SEZ6L2: variants seen among roughly 807,000 people sequenced by gnomAD.
SEZ6L2 encodes the protein seizure related 6 homolog like 2, also known as seizure 6-like protein 2.
Under a neutral mutation model 97.0 loss-of-function variants are expected in SEZ6L2, and 44 were observed. The observed-to-expected ratio is 0.45, with a 90% CI of 0.36 to 0.58. The LOEUF (loss-of-function observed/expected upper bound fraction) is 0.58. Ranked by LOEUF, SEZ6L2 falls within the 20% of genes least tolerant of loss-of-function variation. The pLI is 0.00. For synonymous variants in SEZ6L2, 543 were observed against 546.1 expected (o/e 0.99, Z 0.08); for missense variants, 1,086 against 1,233.3 (o/e 0.88, Z 1.79).
intron 6 of SEZ6L2, among the ~76,000 whole-genome samples, 171 bp downstream of exon 6, chr16:29,888,369 C>A (rs564412907): frequency 6.6e-6 from 1 of 152,232 alleles, no homozygotes; most frequent in South Asian, 2.1e-4. Flanking sequence ...AGGAGAGAGA[C>A]CCTCCGCACA....
chr16:29,872,891 G>C (rs748569497), intron 14 of SEZ6L2, 148 bp from the exon 15 acceptor site: 84 of 688,532 alleles, frequency 1.2e-4, no homozygotes, highest in Non-Finnish European at 1.4e-4. Context: ...GTGGGGAAGA[G>C]AGAGGAGTGA....
rs1412543935 is a variant in SEZ6L2, at chr16:29,873,061, A to C, written c.2488+179T>G. On this transcript the variant is annotated intron_variant, in intron 14 of 17. Transcript: ENST00000617533. The surrounding 1 kb of genome is among the most constrained non-coding windows in gnomAD (Gnocchi z 4.3). ...CCCCCTCTACTACACCCCTGAGCCA[A>C]TCCCATGACCTCACACGACCCAGGG... 6.6e-6 allele frequency among the ~76,000 whole-genome samples: 1 copy of C among 152,166 alleles called. No homozygotes were observed. The highest frequency in any genetic ancestry group is 2.4e-5 in the African/African-American group (1 of 41,432).
rs772417768 is a variant in SEZ6L2 at position 29,898,933 on chromosome 16, G to A, written c.79+8C>T. On this transcript the variant is annotated splice_region_variant and intron_variant, in intron 1 of 17. Transcript: ENST00000617533. ...CTGGGGCCCACCCCCACAGTCTCAT[G>A]TCCTTACCCTGGATCCAGGGACAGC... 3 of 1,607,398 alleles carry A rather than the reference G, an allele frequency of 1.9e-6. No homozygotes were observed. The highest frequency in any genetic ancestry group is 1.1e-5 in the South Asian group (1 of 90,756).
intron 5 of SEZ6L2, among the ~76,000 whole-genome samples, chr16:29,890,889 T>C (rs1018423428): frequency 1.3e-5 from 2 of 151,044 alleles, no homozygotes; most frequent in African/African-American, 4.9e-5. Flanking sequence ...GCTGGGATTA[T>C]AGGCGTGTGC....
chr16:29,897,153 G>T, intron 2 of SEZ6L2, 32 bp from the exon 3 acceptor site: 3 of 1,493,650 alleles, frequency 2.0e-6, no homozygotes. Context: ...CAGAGCACAG[G>T]AGGAGCACAT....
intron 7 of SEZ6L2, chr16:29,885,969 G>A (rs2068131212): frequency 4.6e-6 from 2 of 433,308 alleles, no homozygotes; most frequent in Admixed American, 4.1e-5. Flanking sequence ...AGGATATTAG[G>A]GCATAGAAAG....
intron 8 of SEZ6L2, among the ~76,000 whole-genome samples, chr16:29,880,923 G>A (rs2150790627): frequency 6.6e-6 from 1 of 150,824 alleles, no homozygotes; most frequent in East Asian, 2.0e-4. Context: ...ACCCCACCCA[G>A]CAGCTCATTT....
chr16:29,899,237 C>T lies in SEZ6L2; in HGVS notation c.-218G>A. On this transcript the variant is annotated 5_prime_UTR_variant, in exon 1 of 18. Transcript: ENST00000617533. ...AGCCCACCCCCCTTTGCTCAGTCTC[C>T]TCTGTCCTCTTCTCGCGGCTCTGTG... The T allele has an allele frequency of 1.9e-6, 1 of 535,836 alleles. No individual in the cohort carries two copies. The allele number at this position is 535,836 out of a possible 1,614,324, so 33.2% of individuals were successfully genotyped here.
chr16:29,895,359 A>C lies in SEZ6L2; in HGVS notation c.753T>G (p.Leu251=). ...GGCTCCGAAGGACTTGTCCTTCTCC[A>C]AGCATGGATGAGTTGGCCAGGAGTC... ...APRLLANSSM[L]GEGQVLRSPT... Residue 251 remains leucine, a synonymous_variant, in exon 5 of 18, where the codon CTT becomes CTG. Coordinates refer to ENST00000617533, the MANE Select transcript of SEZ6L2 (RefSeq NM_001243332.2). 1 of 1,614,082 alleles carries C rather than the reference A, an allele frequency of 6.2e-7. No homozygotes were observed. Among genetic ancestry groups the C allele is most frequent in the Non-Finnish European group, 8.5e-7 (1 of 1,180,000 alleles).
rs574167690 is a variant in SEZ6L2, at chr16:29,871,912, GCTTGT to G, written c.2743-189_2743-185del. ...AATGACACAAAAATCTGAATTTCTG[GCTTGT>G]CTTGAATAATTGGAAGATCTGCCAA... On this transcript the variant is annotated intron_variant, in intron 17 of 17. Transcript: ENST00000617533. Among the ~76,000 whole-genome samples the G allele has an allele frequency of 5.3e-5, 8 of 152,272 alleles. No individual in the cohort carries two copies. The South Asian group carries it at 1.7e-3, about 32-fold the overall frequency.
chr16:29,890,001 C>G (rs976103935), intron 5 of SEZ6L2, among the ~76,000 whole-genome samples: 1 of 151,250 alleles, frequency 6.6e-6, no homozygotes, highest in Non-Finnish European at 1.5e-5. Context: ...CTCCGTCTCC[C>G]GGGTTCAAGC....
chr16:29,897,812 C>G, intron 2 of SEZ6L2, 41 bp downstream of exon 2: 2 of 1,564,274 alleles, frequency 1.3e-6, no homozygotes, highest in Non-Finnish European at 1.7e-6. Context: ...CATATCCCTC[C>G]CTCTGCCTCT....
chr16:29,877,413 G>A lies in SEZ6L2; in HGVS notation c.1767C>T (p.Ser589=). ...MLTLFDGDGP[S]ARVLAQLRGP... ...CCCGCAGCTGGGCCAAGACTCGGGC[G>A]CTGGGACCGTCCCCGTCGAACAGCG... The change falls in exon 11 of 18, where the codon AGC becomes AGT. Residue 589 remains serine, a synonymous_variant. Transcript: ENST00000617533. 6.2e-7 allele frequency: 1 copy of A among 1,611,912 alleles called. No individual in the cohort carries two copies. The highest frequency in any genetic ancestry group is 8.5e-7 in the Non-Finnish European group (1 of 1,179,096).
chr16:29,899,248 T>G lies in SEZ6L2; in HGVS notation c.-229A>C. On this transcript the variant is annotated 5_prime_UTR_variant, in exon 1 of 18. Transcript: ENST00000617533. The stretch of plus-strand genomic sequence containing the variant: ...CTTTGCTCAGTCTCCTCTGTCCTCT[T>G]CTCGCGGCTCTGTGGTGGAGGGGGC... The G allele has an allele frequency of 4.0e-6, 2 of 494,532 alleles. No homozygotes were observed. The highest frequency in any genetic ancestry group is 3.6e-6 in the Non-Finnish European group (1 of 281,610). 30.6% of individuals were successfully genotyped at this position (494,532 alleles called of 1,614,324 possible). A position where few individuals can be genotyped will look rare whatever the true frequency, so the allele number is the denominator to read the frequency against.
In SEZ6L2 at chr16:29,872,483, G is replaced by T. The variant is rs1354568935; in HGVS notation, c.2571C>A (p.Asn857Lys). Reference protein sequence around the residue: ...TDPSRQLEGGNLALAILLPLG... With the variant: ...TDPSRQLEGGKLALAILLPLG... ...GAGGCAGCAGGATGGCCAGGGCCAG[G>T]TTCCCCCCTTCCAGCTGCCGTGATG... is the stretch of plus-strand genomic sequence containing the variant. The change falls in exon 16 of 18, where the codon AAC (asparagine) becomes AAA (lysine). Residue 857 changes from asparagine to lysine, a missense_variant. By Grantham distance (94) the Asn-to-Lys change is moderately conservative. Transcript: ENST00000617533. The T allele has an allele frequency of 6.2e-7, 1 of 1,614,222 alleles. No individual in the cohort carries two copies. The highest frequency in any genetic ancestry group is 1.1e-5 in the South Asian group (1 of 91,092).
intron 1 of SEZ6L2, 58 bp from the exon 2 acceptor site, chr16:29,898,042 G>C: frequency 6.2e-7 from 1 of 1,603,840 alleles, no homozygotes. Flanking sequence ...CTTCTCCAGA[G>C]AGATATTTTC....
intron 2 of SEZ6L2, 110 bp from the exon 3 acceptor site, chr16:29,897,231 C>T: frequency 1.0e-6 from 1 of 995,478 alleles, no homozygotes; most frequent in African/African-American, 1.6e-5. Flanking sequence ...ACAAAAGCCT[C>T]CCGCACAAGG....
Position 29,888,496 on chromosome 16 carries a change from G to A in SEZ6L2, c.1039+44C>T, listed in dbSNP as rs376484665. On this transcript the variant is annotated intron_variant, in intron 6 of 17. Transcript: ENST00000617533. ...CCCCGAGATAGGACCCTCCCAATGGGGTTCCCAGAACAGATGCCCCACCCA... is the reference window on the plus strand; with the variant it reads ...CCCCGAGATAGGACCCTCCCAATGGAGTTCCCAGAACAGATGCCCCACCCA... 118 of 1,589,734 alleles carry A rather than the reference G, an allele frequency of 7.4e-5. No homozygotes were observed. In the African/African-American group the frequency reaches 1.5e-3, roughly 20 times the overall value.
At position 29,888,635 on chromosome 16, in the gene SEZ6L2, T is replaced by C. The variant is rs1243329905; in HGVS notation, c.944A>G (p.His315Arg). 1 of 1,613,910 alleles carries C rather than the reference T, an allele frequency of 6.2e-7. No homozygotes were observed. The highest frequency in any genetic ancestry group is 8.5e-7 in the Non-Finnish European group (1 of 1,179,964). ...CTGCAGCTGGTAGCCCGAATCACAG[T>C]GAAAGGTGGCAGTGCCCCCAGGGTG... is the stretch of plus-strand genomic sequence containing the variant. Reference protein sequence around the residue: ...DLHPGGTATFHCDSGYQLQGE... With the variant: ...DLHPGGTATFRCDSGYQLQGE... Residue 315 changes from histidine (H) to arginine (R), a missense_variant, in exon 6 of 18, where the codon CAC becomes CGC. Around this residue, in one of 2 missense-constraint regions of SEZ6L2, gnomAD observed 776 missense variants for 794.7 expected, o/e 0.98. Coordinates refer to ENST00000617533, the MANE Select transcript of SEZ6L2 (RefSeq NM_001243332.2).
Sources: allele counts gnomAD v4.1 joint callset (sites outside exome capture counted in the v4.1 genomes callset), GRCh38; gene constraint gnomAD v4.1.1; regional missense constraint gnomAD v4.1.1; non-coding constraint Gnocchi (gnomAD v3.1); transcripts MANE v1.5; gene names NCBI Gene and HGNC (gene_info 2026-07-23, HGNC 2026-07-21).